DCDC1: variants seen among roughly 807,000 people sequenced by gnomAD.
DCDC1 encodes doublecortin domain-containing protein 1.
A neutral mutation model predicts 178.3 loss-of-function variants in DCDC1; 200 were observed. The observed-to-expected ratio is 1.12, with a 90% CI of 1.00 to 1.26. The LOEUF (loss-of-function observed/expected upper bound fraction) is 1.26. Ranked by LOEUF, DCDC1 falls within the 50% of genes most tolerant of loss-of-function variation. The pLI is 0.00. For synonymous variants in DCDC1, 690 were observed against 604.8 expected (o/e 1.14, Z -2.07); for missense variants, 1,983 against 1,749.2 (o/e 1.13, Z -2.38).
At chr11:31,148,962 T>G (rs1011897624) in intron 9 of DCDC1, among the ~76,000 whole-genome samples, 5 of 152,098 alleles carry the variant, frequency 3.3e-5, no homozygotes, top group Non-Finnish European at 2.9e-5. Context: ...CCTCAAAGCT[T>G]AGCTCCCACT....
intron 9 of DCDC1, among the ~76,000 whole-genome samples, chr11:31,150,312 A>G: frequency 6.6e-6 from 1 of 152,240 alleles, no homozygotes; most frequent in Non-Finnish European, 1.5e-5. Flanking sequence ...GGATTAGTAA[A>G]ATAAACCAGT....
intron 11 of DCDC1, among the ~76,000 whole-genome samples, chr11:31,123,348 T>C (rs1353100781): frequency 1.3e-5 from 2 of 152,058 alleles, no homozygotes; most frequent in East Asian, 1.9e-4. Flanking sequence ...AATAGTAAAA[T>C]GTAATTTAAA....
At chr11:31,225,393 T>C (rs1438630400) in intron 9 of DCDC1, among the ~76,000 whole-genome samples, 1 of 151,430 alleles carries the variant, frequency 6.6e-6, no homozygotes, top group African/African-American at 2.4e-5. Flanking sequence ...GGAGTGAAGG[T>C]TAAAAGACTA....
chr11:30,981,693 T>A (rs1950402017), intron 20 of DCDC1, among the ~76,000 whole-genome samples: 1 of 152,198 alleles, frequency 6.6e-6, no homozygotes, highest in Admixed American at 6.5e-5. Flanking sequence ...AGGAGTTTAG[T>A]AAGTCAGCAG....
At chr11:31,173,755 CACAA>C (rs1455408049) in intron 9 of DCDC1, among the ~76,000 whole-genome samples, 1 of 88,978 alleles carries the variant, frequency 1.1e-5, no homozygotes, top group South Asian at 4.6e-4. Context: ...CACACACACA[CACAA>C]ACACACACAC....
chr11:31,260,907 G>C (rs1325475125), intron 8 of DCDC1, among the ~76,000 whole-genome samples: 1 of 152,140 alleles, frequency 6.6e-6, no homozygotes, highest in Non-Finnish European at 1.5e-5. Context: ...TTAGTAAATA[G>C]AGGAATGATG....
At chr11:31,152,907 T>A (rs1420968205) in intron 9 of DCDC1, among the ~76,000 whole-genome samples, 1 of 152,204 alleles carries the variant, frequency 6.6e-6, no homozygotes, top group Non-Finnish European at 1.5e-5. Flanking sequence ...TCCCATGGGC[T>A]TTAATGTGTG....
At chr11:31,220,922 C>A (rs547718941) in intron 9 of DCDC1, among the ~76,000 whole-genome samples, 1 of 152,250 alleles carries the variant, frequency 6.6e-6, no homozygotes, top group African/African-American at 2.4e-5. Flanking sequence ...AAGAGAAAGA[C>A]AGATCTCTGG....
chr11:31,302,018 G>A (rs571709429), intron 6 of DCDC1, among the ~76,000 whole-genome samples: 1 of 152,154 alleles, frequency 6.6e-6, no homozygotes, highest in South Asian at 2.1e-4. Context: ...ACAAAACTCA[G>A]GACTGAAATG....
chr11:31,044,641 C>T lies in DCDC1; in HGVS notation c.2591+19828G>A, dbSNP rs138896962. Among the ~76,000 whole-genome samples, 8 of 152,198 alleles carry T rather than the reference C, an allele frequency of 5.3e-5. No homozygotes were observed. In the East Asian group the frequency reaches 7.7e-4, roughly 15 times the overall value. On this transcript the variant is annotated intron_variant, in intron 20 of 38. Transcript: ENST00000684477. ...AAAGGGGACATCTGTCTTATAACTA[C>T]GAACAATTGAATTTGACCAACACAC...
chr11:31,359,350 C>T (rs1338536468), intron 1 of DCDC1, among the ~76,000 whole-genome samples: 10 of 147,406 alleles, frequency 6.8e-5, no homozygotes, highest in Non-Finnish European at 1.3e-4. Flanking sequence ...AACCAAACAC[C>T]GCATATTCTC....
At chr11:31,263,069 C>G (rs1384560583) in intron 8 of DCDC1, 2 of 1,612,808 alleles carry the variant, frequency 1.2e-6, no homozygotes, top group Admixed American at 1.7e-5. Flanking sequence ...AGAGTCAGTG[C>G]TTTCCTGTTT....
chr11:31,194,358 C>G (rs1264021614), intron 9 of DCDC1, among the ~76,000 whole-genome samples: 2 of 151,968 alleles, frequency 1.3e-5, no homozygotes, highest in African/African-American at 4.8e-5. Flanking sequence ...TTTTAAATAG[C>G]TGTTACATGG....
intron 9 of DCDC1, among the ~76,000 whole-genome samples, chr11:31,139,932 A>G (rs1258887134): frequency 6.6e-6 from 1 of 152,236 alleles, no homozygotes; most frequent in East Asian, 1.9e-4. Flanking sequence ...AAGGATACAC[A>G]CATGGGTCCT....
At chr11:31,263,863 G>A (rs957979010) in intron 8 of DCDC1, among the ~76,000 whole-genome samples, 22 of 152,184 alleles carry the variant, frequency 1.4e-4, no homozygotes, top group African/African-American at 5.3e-4. Flanking sequence ...CAAGCATGGA[G>A]TTAAAGTTTG....
rs550050412 is a variant in DCDC1, at chr11:30,944,626, T to C, written c.2715+7819A>G. On this transcript the variant is annotated intron_variant, in intron 21 of 38. Coordinates refer to ENST00000684477, the MANE Select transcript of DCDC1 (RefSeq NM_001387274.1). The stretch of plus-strand genomic sequence containing the variant: ...CTTCAAATAAGGTGGATTCAGACTT[T>C]AAGTGAAATACACTGTATTTAATTT... Among the ~76,000 whole-genome samples the C allele has an allele frequency of 3.3e-5, 5 of 152,344 alleles. No homozygotes were observed. In the South Asian group the frequency reaches 8.3e-4, roughly 25 times the overall value.
rs1377852747 is a variant in DCDC1 at position 30,894,364 on chromosome 11, G to A, written c.4786C>T (p.Gln1596Ter). The change falls in exon 35 of 39, where the codon CAG (glutamine) becomes TAG (stop). Residue 1596 changes from glutamine (Q) to a stop codon, truncating the protein, a stop_gained. Coordinates refer to ENST00000684477, the MANE Select transcript of DCDC1 (RefSeq NM_001387274.1). LOFTEE classifies it high-confidence loss of function. ...QLKGRRVAAC[Q>*]PATMVPTKSP... The stretch of plus-strand genomic sequence containing the variant: ...TTGGTAGGAACCATGGTGGCTGGCT[G>A]ACATGCCGCTACTCGCCGCCCTGAG... 6.2e-7 allele frequency: 1 copy of A among 1,613,802 alleles called. No individual in the cohort carries two copies.
At chr11:31,183,038 A>T (rs901978668) in intron 9 of DCDC1, among the ~76,000 whole-genome samples, 3 of 152,234 alleles carry the variant, frequency 2.0e-5, no homozygotes, top group Admixed American at 1.3e-4. Context: ...GATCAATGCA[A>T]CAAGAAGAGT....
chr11:31,156,586 G>A (rs946562545), intron 9 of DCDC1, among the ~76,000 whole-genome samples: 7 of 152,050 alleles, frequency 4.6e-5, no homozygotes, highest in African/African-American at 1.7e-4. Flanking sequence ...AGTATTAATG[G>A]GCTATCTTGC....
Sources: gnomAD v4.1 joint callset for allele counts (sites outside exome capture counted in the v4.1 genomes callset) on GRCh38, gnomAD v4.1.1 for gene constraint, MANE v1.5 for transcripts, NCBI Gene and HGNC (gene_info 2026-07-23, HGNC 2026-07-21) for gene names.